CWH43: variants seen among roughly 807,000 people sequenced by gnomAD.
CWH43 encodes the protein cell wall biogenesis 43 C-terminal homolog, also known as PGAP2-interacting protein.
A neutral mutation model predicts 85.7 loss-of-function variants in CWH43; 91 were observed. The ratio of observed to expected loss-of-function variants is 1.06; its 90% CI spans 0.90 to 1.26. The LOEUF is 1.26. Ranked by LOEUF, CWH43 falls within the 50% of genes most tolerant of loss-of-function variation. The pLI, the probability that CWH43 is intolerant of heterozygous loss-of-function variation, is 0.00. For missense variants in CWH43, 869 were observed against 839.2 expected (o/e 1.04, Z -0.44); for synonymous variants, 323 against 293.6 (o/e 1.10, Z -1.02).
chr4:49,014,462 A>AG (rs901226505), intron 8 of CWH43, among the ~76,000 whole-genome samples: 3 of 151,728 alleles, frequency 2.0e-5, no homozygotes, highest in African/African-American at 7.3e-5. Flanking sequence ...CTGACTCAAA[A>AG]AAAAAAAAAA....
intron 15 of CWH43, among the ~76,000 whole-genome samples, chr4:49,052,334 C>G (rs1044263572): frequency 6.6e-6 from 1 of 152,110 alleles, no homozygotes; most frequent in African/African-American, 2.4e-5. Flanking sequence ...CCTCTCTGAG[C>G]CTCAAGTGCC....
chr4:49,037,897 T>A (rs1784307646), intron 12 of CWH43, 139 bp from the exon 13 acceptor site: 2 of 652,628 alleles, frequency 3.1e-6, no homozygotes, highest in Non-Finnish European at 5.3e-6. Flanking sequence ...ATTTGTATAA[T>A]GTTAAGACAG....
At chr4:49,033,215 G>C (rs974825707) in intron 12 of CWH43, among the ~76,000 whole-genome samples, 2 of 152,204 alleles carry the variant, frequency 1.3e-5, no homozygotes, top group Non-Finnish European at 1.5e-5. Context: ...TGGAAGTACT[G>C]TTGGGATTTG....
At chr4:49,033,274 A>G (rs771634184) in intron 12 of CWH43, among the ~76,000 whole-genome samples, 1 of 152,254 alleles carries the variant, frequency 6.6e-6, no homozygotes, top group Non-Finnish European at 1.5e-5. Context: ...CACAAACAAC[A>G]GATAGGCAGA....
intron 9 of CWH43, among the ~76,000 whole-genome samples, chr4:49,023,759 A>G (rs536901337): frequency 6.6e-6 from 1 of 152,298 alleles, no homozygotes; most frequent in East Asian, 1.9e-4. Flanking sequence ...CACTTGTTTT[A>G]TGGCCTATCA....
chr4:48,998,611 C>T (rs1225684825), intron 6 of CWH43, 63 bp downstream of exon 6: 1 of 1,183,306 alleles, frequency 8.5e-7, no homozygotes, highest in African/African-American at 1.5e-5. Flanking sequence ...TGTTTGCAAG[C>T]ATGCGCAACT....
rs567570029 is a variant in CWH43, at chr4:49,025,405, T to A, written c.1267-3224T>A. Among the ~76,000 whole-genome samples, 5 of 152,312 alleles carry A rather than the reference T, an allele frequency of 3.3e-5. No homozygotes were observed. In the East Asian group the frequency reaches 7.7e-4, roughly 24 times the overall value. ...ATCCATTGCTGGTGAGCTAGTGTGA[T>A]CTTTTGGGGGTGTTAAAGATCCTTG... On this transcript the variant is annotated intron_variant, in intron 9 of 15. Coordinates refer to ENST00000226432, the MANE Select transcript of CWH43 (RefSeq NM_025087.3).
At chr4:49,004,620 C>T (rs945278187) in intron 7 of CWH43, among the ~76,000 whole-genome samples, 6 of 152,146 alleles carry the variant, frequency 3.9e-5, no homozygotes, top group Admixed American at 3.3e-4. Flanking sequence ...GAACTCCTGG[C>T]CTCAAGTGAT....
chr4:49,040,464 T>G (rs1402928618), intron 13 of CWH43, among the ~76,000 whole-genome samples: 1 of 152,222 alleles, frequency 6.6e-6, no homozygotes, highest in Non-Finnish European at 1.5e-5. Flanking sequence ...GGTATCTCAT[T>G]GTGGTTTTGA....
At position 49,030,843 on chromosome 4, in the gene CWH43, T is replaced by G. The variant is rs199859336; in HGVS notation, c.1391T>G (p.Ile464Ser). Residue 464 changes from isoleucine (I) to serine (S), a missense_variant, in exon 11 of 16, where the codon ATT (isoleucine) becomes AGT (serine). Ile to Ser is a moderately radical substitution (Grantham distance 142). Coordinates refer to ENST00000226432, the MANE Select transcript of CWH43 (RefSeq NM_025087.3). ...LNETGADFIT[I>S]LESDASKPYM... is the part of the protein sequence containing the mutation. Reference sequence around the variant, plus strand: ...TGAACAGGTGCAGATTTCATAACAATTTTGGAGAGTGATGCTTCTAAGCCC... The same window carrying G: ...TGAACAGGTGCAGATTTCATAACAAGTTTGGAGAGTGATGCTTCTAAGCCC... 1 of 1,582,404 alleles carries G rather than the reference T, an allele frequency of 6.3e-7. No individual in the cohort carries two copies. The highest frequency in any genetic ancestry group is 2.3e-5 in the East Asian group (1 of 43,666).
At chr4:49,056,761 A>AT (rs1412410185) in intron 15 of CWH43, among the ~76,000 whole-genome samples, 5 of 150,360 alleles carry the variant, frequency 3.3e-5, no homozygotes, top group Non-Finnish European at 5.9e-5. Flanking sequence ...TGATGTCTTT[A>AT]TTTTTTCTTA....
intron 12 of CWH43, among the ~76,000 whole-genome samples, chr4:49,037,023 A>T (rs1270349783): frequency 6.6e-6 from 1 of 152,102 alleles, no homozygotes; most frequent in Non-Finnish European, 1.5e-5. Context: ...TGATTGCCTC[A>T]TTGACTCCTA....
Position 49,007,271 on chromosome 4 carries a change from A to G in CWH43, c.1131A>G (p.Gln377=), listed in dbSNP as rs145043160. ...GPKKNLDLLL[Q]TKNSSKVLFR... The stretch of plus-strand genomic sequence containing the variant: ...AGAAAAACCTTGACTTGCTTCTTCA[A>G]ACAAAAAACAGTTCTAAAGTGCTTT... The change falls in exon 8 of 16, where the codon CAA becomes CAG. Residue 377 remains glutamine, a synonymous_variant. Transcript: ENST00000226432. 3.9e-4 allele frequency: 623 copies of G among 1,612,108 alleles called. 1 individual carries two copies. Among genetic ancestry groups the G allele is most frequent in the Non-Finnish European group, 4.7e-4 (559 of 1,179,126 alleles).
At position 49,007,279 on chromosome 4, in the gene CWH43, A is replaced by G. The variant is rs1357828599; in HGVS notation, c.1139A>G (p.Asn380Ser). The change falls in exon 8 of 16, where the codon AAC becomes AGC. Residue 380 changes from asparagine to serine, a missense_variant. Physicochemically the swap from Asn to Ser is conservative, Grantham distance 46 (BLOSUM62 1). Coordinates refer to ENST00000226432, the MANE Select transcript of CWH43 (RefSeq NM_025087.3). ...KNLDLLLQTKNSSKVLFRKSE... is the reference protein window; with the variant it reads ...KNLDLLLQTKSSSKVLFRKSE... ...CTTGACTTGCTTCTTCAAACAAAAA[A>G]CAGTTCTAAAGTGCTTTTCAGAAAG... 6.2e-7 allele frequency: 1 copy of G among 1,612,078 alleles called. No homozygotes were observed. Among genetic ancestry groups the G allele is most frequent in the Non-Finnish European group, 8.5e-7 (1 of 1,179,042 alleles).
chr4:49,044,664 C>A, intron 13 of CWH43, 122 bp from the exon 14 acceptor site: 1 of 689,310 alleles, frequency 1.5e-6, no homozygotes. Flanking sequence ...TCAGTAGGAG[C>A]CAGGAAGAGA....
At chr4:49,009,738 T>A (rs1035500334) in intron 8 of CWH43, among the ~76,000 whole-genome samples, 13 of 152,162 alleles carry the variant, frequency 8.5e-5, no homozygotes, top group African/African-American at 3.1e-4. Flanking sequence ...GATAATCACG[T>A]GGTTTTTGTC....
At chr4:49,055,511 C>T (rs1252494092) in intron 15 of CWH43, among the ~76,000 whole-genome samples, 2 of 152,008 alleles carry the variant, frequency 1.3e-5, no homozygotes, top group Non-Finnish European at 2.9e-5. Context: ...TAATAATGGC[C>T]TCATAAACTG....
intron 11 of CWH43, chr4:49,031,396 G>A (rs1784091264): frequency 6.5e-6 from 1 of 154,358 alleles, no homozygotes. Flanking sequence ...GGGTGGTCAG[G>A]AAGGTCTCTG....
rs1782757553 is a variant in CWH43 at position 48,994,745 on chromosome 4, T to G, written c.638T>G (p.Phe213Cys). Residue 213 changes from phenylalanine to cysteine, a missense_variant, in exon 5 of 16, where the codon TTT becomes TGT. Physicochemically the swap from Phe to Cys is radical, Grantham distance 205. Around this residue, in one of 3 missense-constraint regions of CWH43, gnomAD observed 152 missense variants for 203.6 expected, o/e 0.75. Transcript: ENST00000226432. ...CTTGTGTTCCTCACCCACTGGGTTTTTGGAGAAGTCTCTCTTGTTTCCAGA... is the reference window on the plus strand; with the variant it reads ...CTTGTGTTCCTCACCCACTGGGTTTGTGGAGAAGTCTCTCTTGTTTCCAGA... ...GSLVFLTHWVFGEVSLVSRWA... is the reference protein window; with the variant it reads ...GSLVFLTHWVCGEVSLVSRWA... The G allele has an allele frequency of 1.2e-6, 2 of 1,614,048 alleles. No homozygotes were observed. Among genetic ancestry groups the G allele is most frequent in the Non-Finnish European group, 1.7e-6 (2 of 1,180,050 alleles).
Sources: allele counts gnomAD v4.1 joint callset (sites outside exome capture counted in the v4.1 genomes callset), GRCh38; gene constraint gnomAD v4.1.1; regional missense constraint gnomAD v4.1.1; transcripts MANE v1.5; gene names NCBI Gene and HGNC (gene_info 2026-07-23, HGNC 2026-07-21).